Variants in RSRC1 observed in about 807,000 individuals in gnomAD.
RSRC1 encodes arginine and serine rich coiled-coil 1.
In RSRC1, 39 loss-of-function variants were observed where a neutral mutation model predicts 49.1. That is an observed-to-expected ratio of 0.79 (90% CI 0.61 to 1.04). The LOEUF (loss-of-function observed/expected upper bound fraction) is 1.04. RSRC1 is among the 50% of genes least tolerant of loss of function. The pLI is 0.00. For synonymous variants in RSRC1, 143 were observed against 130.8 expected (o/e 1.09, Z -0.63); for missense variants, 388 against 402.4 (o/e 0.96, Z 0.31).
At chr3:158,538,121 G>A (rs575344753) in intron 8 of RSRC1, among the ~76,000 whole-genome samples, 3 of 151,832 alleles carry the variant, frequency 2.0e-5, no homozygotes, top group South Asian at 2.1e-4. Context: ...AAATCCTATC[G>A]GGTTTCTCAT....
chr3:158,123,585 A>G (rs749304153), intron 2 of RSRC1, among the ~76,000 whole-genome samples: 31 of 152,208 alleles, frequency 2.0e-4, no homozygotes, highest in Non-Finnish European at 3.5e-4. Context: ...GGCATGAGCT[A>G]CTGAGCCTGG....
chr3:158,262,171 T>C (rs985788667), intron 4 of RSRC1, among the ~76,000 whole-genome samples: 2 of 152,204 alleles, frequency 1.3e-5, no homozygotes, highest in African/African-American at 4.8e-5. Context: ...TTATAGGTCA[T>C]GTGTTTCGTG....
intron 6 of RSRC1, among the ~76,000 whole-genome samples, chr3:158,370,151 G>A (rs1490514728): frequency 2.0e-5 from 3 of 151,692 alleles, no homozygotes; most frequent in African/African-American, 7.3e-5. Context: ...CATTTGTATT[G>A]GTATTGTCTC....
chr3:158,194,585 G>A (rs1395191361), intron 3 of RSRC1, among the ~76,000 whole-genome samples: 4 of 149,558 alleles, frequency 2.7e-5, no homozygotes, highest in African/African-American at 9.9e-5. Context: ...CCATGTTGGT[G>A]TGCTGCACCC....
intron 6 of RSRC1, among the ~76,000 whole-genome samples, chr3:158,366,549 G>A (rs866894726): frequency 9.9e-5 from 15 of 152,214 alleles, no homozygotes; most frequent in South Asian, 4.1e-4. Context: ...GGTTACCGTA[G>A]CCTTGTATTA....
intron 9 of RSRC1, 80 bp downstream of exon 9, chr3:158,543,567 A>G: frequency 1.4e-6 from 2 of 1,405,442 alleles, no homozygotes; most frequent in Non-Finnish European, 9.6e-7. Flanking sequence ...TTTTGTGCTA[A>G]CACCAAGGAG....
chr3:158,203,025 A>T, intron 3 of RSRC1, 47 bp from the exon 4 acceptor site: 1 of 1,459,916 alleles, frequency 6.8e-7, no homozygotes, highest in Non-Finnish European at 9.4e-7. Flanking sequence ...ACTTTTCACG[A>T]TACAAATTAT....
At chr3:158,491,345 A>G (rs895851523) in intron 7 of RSRC1, among the ~76,000 whole-genome samples, 4 of 152,214 alleles carry the variant, frequency 2.6e-5, no homozygotes, top group Non-Finnish European at 2.9e-5. Flanking sequence ...ATGGTACCTT[A>G]TGTATGGAAT....
intron 3 of RSRC1, among the ~76,000 whole-genome samples, chr3:158,170,108 TTAA>T (rs1718785563): frequency 6.6e-6 from 1 of 152,134 alleles, no homozygotes; most frequent in African/African-American, 2.4e-5. Context: ...ATTGGAGAGT[TTAA>T]TAATAAAATA....
intron 6 of RSRC1, among the ~76,000 whole-genome samples, chr3:158,438,407 G>A (rs1553806669): frequency 6.6e-6 from 1 of 152,088 alleles, no homozygotes; most frequent in Non-Finnish European, 1.5e-5. Flanking sequence ...CATGCTACCT[G>A]ACTTCAAACT....
chr3:158,473,216 A>T (rs1227725852), intron 7 of RSRC1, among the ~76,000 whole-genome samples: 2 of 152,206 alleles, frequency 1.3e-5, no homozygotes, highest in African/African-American at 4.8e-5. Context: ...ATGCACACGT[A>T]TGTTTATCGC....
intron 4 of RSRC1, among the ~76,000 whole-genome samples, chr3:158,207,585 C>T (rs1458814950): frequency 1.3e-5 from 2 of 151,776 alleles, no homozygotes; most frequent in Non-Finnish European, 2.9e-5. Flanking sequence ...TGCTAAGTAA[C>T]CTAAGTGCTT....
At chr3:158,228,550 A>C (rs1431565577) in intron 4 of RSRC1, among the ~76,000 whole-genome samples, 1 of 151,992 alleles carries the variant, frequency 6.6e-6, no homozygotes, top group African/African-American at 2.4e-5. Context: ...TTCCATTATA[A>C]TACCTGAATT....
At chr3:158,382,646 G>T (rs1732762352) in intron 6 of RSRC1, among the ~76,000 whole-genome samples, 1 of 152,064 alleles carries the variant, frequency 6.6e-6, no homozygotes, top group African/African-American at 2.4e-5. Flanking sequence ...TGCTTTCTCA[G>T]CAAAAATACC....
chr3:158,276,502 T>C (rs1157126916), intron 4 of RSRC1: 2 of 570,222 alleles, frequency 3.5e-6, no homozygotes, highest in African/African-American at 3.7e-5. Context: ...TTTGTCTTTT[T>C]TTCATGTTAC....
chr3:158,220,655 CCTTT>C (rs978010161), intron 4 of RSRC1, among the ~76,000 whole-genome samples: 6 of 151,420 alleles, frequency 4.0e-5, no homozygotes, highest in Non-Finnish European at 5.9e-5. Flanking sequence ...TTTCTTCCTT[CCTTT>C]CTTTCTTTCT....
intron 7 of RSRC1, among the ~76,000 whole-genome samples, chr3:158,479,894 A>G (rs1337138061): frequency 6.6e-6 from 1 of 151,940 alleles, no homozygotes; most frequent in Non-Finnish European, 1.5e-5. Context: ...ATTACACTTC[A>G]TTTTCTCTTT....
At chr3:158,388,295 T>C (rs1425838728) in intron 6 of RSRC1, among the ~76,000 whole-genome samples, 1 of 152,052 alleles carries the variant, frequency 6.6e-6, no homozygotes, top group African/African-American at 2.4e-5. Flanking sequence ...TTTAAATAAC[T>C]TTTTAAACAT....
chr3:158,340,466 G>C (rs767358629), intron 5 of RSRC1, among the ~76,000 whole-genome samples: 1 of 152,054 alleles, frequency 6.6e-6, no homozygotes, highest in South Asian at 2.1e-4. Context: ...GCTTGAACCC[G>C]GGAGGCGGAG....
Sources: gnomAD v4.1 joint callset for allele counts (sites outside exome capture counted in the v4.1 genomes callset) on GRCh38, gnomAD v4.1.1 for gene constraint, MANE v1.5 for transcripts, NCBI Gene and HGNC (gene_info 2026-07-23, HGNC 2026-07-21) for gene names.